Variants in VPS13B observed in about 807,000 individuals in gnomAD.
VPS13B encodes vacuolar protein sorting 13 homolog B.
A neutral mutation model predicts 426.4 loss-of-function variants in VPS13B; 285 were observed. That is an observed-to-expected ratio of 0.67 (90% CI 0.61 to 0.74). The LOEUF is 0.74. VPS13B is among the 30% of genes least tolerant of loss of function. The pLI, the probability that VPS13B is intolerant of heterozygous loss-of-function variation, is 0.00. For synonymous variants in VPS13B, 1,676 were observed against 1,676.4 expected, an observed-to-expected ratio of 1.00 and a Z score of 0.01; for missense variants, 4,537 against 4,782.6, an observed-to-expected ratio of 0.95 and a Z score of 1.51.
At chr8:99,047,923 G>T (rs1362064571) in intron 3 of VPS13B, among the ~76,000 whole-genome samples, 1 of 152,084 alleles carries the variant, frequency 6.6e-6, no homozygotes, top group Non-Finnish European at 1.5e-5. Flanking sequence ...CCTGACCTCA[G>T]TGTATCCACC....
intron 44 of VPS13B, among the ~76,000 whole-genome samples, chr8:99,813,390 G>A (rs139585539): frequency 8.3e-4 from 126 of 152,304 alleles, no homozygotes; most frequent in African/African-American, 2.5e-3. Flanking sequence ...GGGGTCCAAA[G>A]GTTCTGAAGC....
intron 3 of VPS13B, among the ~76,000 whole-genome samples, chr8:99,087,528 T>G (rs990859223): frequency 1.3e-5 from 2 of 151,814 alleles, no homozygotes; most frequent in Non-Finnish European, 2.9e-5. Context: ...AATGCAGAAA[T>G]CACCTGTCTT....
chr8:99,684,173 C>T (rs186705017), intron 35 of VPS13B, among the ~76,000 whole-genome samples: 4 of 152,316 alleles, frequency 2.6e-5, no homozygotes, highest in Admixed American at 2.6e-4. Context: ...AGTTGTGGTA[C>T]ATCATTAGTT....
At chr8:99,024,747 T>A (rs1019954296) in intron 2 of VPS13B, among the ~76,000 whole-genome samples, 4 of 152,246 alleles carry the variant, frequency 2.6e-5, no homozygotes, top group Non-Finnish European at 5.9e-5. Context: ...TGCTTGCAGA[T>A]TTGTTCTTTT....
chr8:99,735,667 G>A (rs1265419832), intron 39 of VPS13B, among the ~76,000 whole-genome samples: 1 of 152,204 alleles, frequency 6.6e-6, no homozygotes, highest in African/African-American at 2.4e-5. Flanking sequence ...AAGCCAGTAA[G>A]TGTGTGGTAA....
chr8:99,733,848 C>A (rs534711540), intron 39 of VPS13B, among the ~76,000 whole-genome samples: 2 of 151,214 alleles, frequency 1.3e-5, no homozygotes, highest in Admixed American at 6.5e-5. Context: ...TAGCAGCAAC[C>A]TTTTTAGCAG....
chr8:99,545,512 A>G (rs1823921370), intron 30 of VPS13B, among the ~76,000 whole-genome samples: 1 of 152,128 alleles, frequency 6.6e-6, no homozygotes, highest in African/African-American at 2.4e-5. Flanking sequence ...AATTTTAAAG[A>G]GACATATACA....
At chr8:99,518,292 T>A (rs1043244736) in intron 29 of VPS13B, among the ~76,000 whole-genome samples, 2 of 152,180 alleles carry the variant, frequency 1.3e-5, no homozygotes, top group Non-Finnish European at 2.9e-5. Flanking sequence ...ACTACGTAAT[T>A]GAGGACTGCT....
At chr8:99,559,448 T>G (rs1481470262) in intron 31 of VPS13B, among the ~76,000 whole-genome samples, 3 of 152,240 alleles carry the variant, frequency 2.0e-5, no homozygotes, top group Admixed American at 1.3e-4. Context: ...TTGTTGCCAT[T>G]GCTTTTGGTG....
At chr8:99,839,053 A>G (rs1235474231) in intron 54 of VPS13B, among the ~76,000 whole-genome samples, 2 of 152,214 alleles carry the variant, frequency 1.3e-5, no homozygotes, top group Non-Finnish European at 2.9e-5. Flanking sequence ...CTTAAGAGTC[A>G]TGGGAAGTCA....
At chr8:99,739,852 T>C (rs1809600918) in intron 39 of VPS13B, among the ~76,000 whole-genome samples, 1 of 152,004 alleles carries the variant, frequency 6.6e-6, no homozygotes, top group South Asian at 2.1e-4. Flanking sequence ...CAAAGGTAGA[T>C]AAAACCACAA....
At chr8:99,564,640 T>C (rs1351479519) in intron 31 of VPS13B, among the ~76,000 whole-genome samples, 1 of 152,232 alleles carries the variant, frequency 6.6e-6, no homozygotes, top group Non-Finnish European at 1.5e-5. Flanking sequence ...CATGAAGACT[T>C]GCAAAGAATA....
At chr8:99,786,774 C>A (rs773082156) in intron 43 of VPS13B, among the ~76,000 whole-genome samples, 1 of 152,074 alleles carries the variant, frequency 6.6e-6, no homozygotes, top group African/African-American at 2.4e-5. Flanking sequence ...TAAAAAACGA[C>A]GTCTTCTTAC....
rs536252022 is a variant in VPS13B, at chr8:99,672,299, C to T, written c.6046+10808C>T. On this transcript the variant is annotated intron_variant, in intron 35 of 61. Coordinates refer to ENST00000357162, the MANE Select transcript of VPS13B (RefSeq NM_152564.5). ...CACAGGATATCTTTCCATTGATCAC[C>T]GTTTTATAGTTTTCAGTGTACAGAT... is the stretch of plus-strand genomic sequence containing the variant. Among the ~76,000 whole-genome samples the T allele has an allele frequency of 2.6e-5, 4 of 152,034 alleles. No individual in the cohort carries two copies. In the South Asian group the frequency reaches 8.3e-4, roughly 32 times the overall value.
chr8:99,520,389 TTGTGTG>T lies in VPS13B; in HGVS notation c.4634-474_4634-469del, dbSNP rs140216567. On this transcript the variant is annotated intron_variant, in intron 29 of 61. Coordinates refer to ENST00000357162, the MANE Select transcript of VPS13B (RefSeq NM_152564.5). Reference sequence around the variant, plus strand: ...ATTTTGGAGCTTAAAGTGATATACTTTGTGTGTGTGTGTGTGTGTGTGTGTGTGTGT... The same window carrying T: ...ATTTTGGAGCTTAAAGTGATATACTTTGTGTGTGTGTGTGTGTGTGTGTGT... Among the ~76,000 whole-genome samples, 60 of 138,560 alleles carry T rather than the reference TTGTGTG, an allele frequency of 4.3e-4. 1 individual carries two copies. Among genetic ancestry groups the T allele is most frequent in the East Asian group, 1.7e-3 (8 of 4,772 alleles). The allele number at this position is 138,560 out of a possible 152,430, so 90.9% of individuals were successfully genotyped here.
In VPS13B at chr8:99,853,522, C is replaced by G. The variant is rs1374537964; in HGVS notation, c.10133C>G (p.Thr3378Ser). 1 of 1,614,204 alleles carries G rather than the reference C, an allele frequency of 6.2e-7. No homozygotes were observed. The highest frequency in any genetic ancestry group is 8.5e-7 in the Non-Finnish European group (1 of 1,180,044). Residue 3378 changes from threonine to serine, a missense_variant, in exon 56 of 62, where the codon ACC becomes AGC. By Grantham distance (58) the Thr-to-Ser change is moderately conservative. Around this residue, in one of 2 missense-constraint regions of VPS13B, gnomAD observed 4,311 missense variants for 4,474.3 expected, o/e 0.96. Coordinates refer to ENST00000357162, the MANE Select transcript of VPS13B (RefSeq NM_152564.5). ...AGCCTGGCAGTGTTTGATGACCTCACCCACCACAAAGCATCAGCTGAGCTT... is the reference window on the plus strand; with the variant it reads ...AGCCTGGCAGTGTTTGATGACCTCAGCCACCACAAAGCATCAGCTGAGCTT... ...QLSLAVFDDL[T>S]HHKASAELLR...
rs766836524 is a variant in VPS13B, at chr8:99,854,013, G to A, written c.10624G>A (p.Val3542Met). The A allele has an allele frequency of 1.2e-5, 19 of 1,614,196 alleles. No individual in the cohort carries two copies. Among genetic ancestry groups the A allele is most frequent in the Non-Finnish European group, 1.6e-5 (19 of 1,180,042 alleles). The change falls in exon 56 of 62, where the codon GTG (valine) becomes ATG (methionine). Residue 3542 changes from valine (V) to methionine (M), a missense_variant. Physicochemically the swap from Val to Met is conservative, Grantham distance 21. Coordinates refer to ENST00000357162, the MANE Select transcript of VPS13B (RefSeq NM_152564.5). ...HSTHLSGGKQ[V>M]LPMQVTQHAR... Reference sequence around the variant, plus strand: ...CACACACCTCTCCGGGGGTAAACAGGTGTTGCCCATGCAGGTCACACAGCA... The same window carrying A: ...CACACACCTCTCCGGGGGTAAACAGATGTTGCCCATGCAGGTCACACAGCA...
At chr8:99,349,844 T>A in intron 19 of VPS13B, among the ~76,000 whole-genome samples, 1 of 152,188 alleles carries the variant, frequency 6.6e-6, no homozygotes, top group East Asian at 1.9e-4. Context: ...TATATACGTA[T>A]TTTTTATACT....
intron 25 of VPS13B, among the ~76,000 whole-genome samples, chr8:99,490,416 A>G (rs1820542967): frequency 6.6e-6 from 1 of 152,204 alleles, no homozygotes; most frequent in African/African-American, 2.4e-5. Flanking sequence ...CTGGCCTTAT[A>G]AAATGAGTTA....
Sources: allele counts gnomAD v4.1 joint callset (sites outside exome capture counted in the v4.1 genomes callset), GRCh38; gene constraint gnomAD v4.1.1; regional missense constraint gnomAD v4.1.1; transcripts MANE v1.5; gene names NCBI Gene and HGNC (gene_info 2026-07-23, HGNC 2026-07-21).